Variants in ARID2 observed in about 807,000 individuals in gnomAD.
ARID2 encodes AT-rich interaction domain 2.
In ARID2, 32 loss-of-function variants were observed where a neutral mutation model predicts 184.6. The ratio of observed to expected loss-of-function variants is 0.17; its 90% CI spans 0.13 to 0.23. The LOEUF (loss-of-function observed/expected upper bound fraction) is 0.23. Among genes scored for constraint, ARID2 ranks in the 10% least tolerant of loss-of-function variants. The pLI, the probability that ARID2 is intolerant of heterozygous loss-of-function variation, is 1.00. For missense variants in ARID2, 1,696 were observed against 2,197.6 expected (o/e 0.77, Z 4.56); for synonymous variants, 836 against 772.6 (o/e 1.08, Z -1.36).
At chr12:45,814,546 A>C (rs1942771085) in intron 4 of ARID2, among the ~76,000 whole-genome samples, 1 of 152,136 alleles carries the variant, frequency 6.6e-6, no homozygotes, top group Admixed American at 6.6e-5. Context: ...GCTACTCAGG[A>C]GGCTGAGGCA....
chr12:45,890,521 C>T (rs1016048142), intron 16 of ARID2, among the ~76,000 whole-genome samples: 1 of 152,160 alleles, frequency 6.6e-6, no homozygotes, highest in Non-Finnish European at 1.5e-5. Flanking sequence ...GAACTCAAAT[C>T]ATATTTCATA....
intron 16 of ARID2, among the ~76,000 whole-genome samples, chr12:45,864,969 T>C (rs1342591821): frequency 6.6e-6 from 1 of 152,178 alleles, no homozygotes; most frequent in East Asian, 1.9e-4. Flanking sequence ...TTATTTTGTT[T>C]GTAGTATTAC....
chr12:45,762,123 T>C (rs547650255), intron 3 of ARID2, among the ~76,000 whole-genome samples: 63 of 152,368 alleles, frequency 4.1e-4, no homozygotes, highest in African/African-American at 1.3e-3. Flanking sequence ...AAAGTTTTTT[T>C]TGATTAGTTC....
intron 16 of ARID2, among the ~76,000 whole-genome samples, chr12:45,886,351 AC>A (rs1944190153): frequency 6.6e-6 from 1 of 151,742 alleles, no homozygotes. Context: ...GCGCAGCTCC[AC>A]CCCTGTGGCT....
intron 6 of ARID2, among the ~76,000 whole-genome samples, chr12:45,829,379 A>G (rs2064325325): frequency 1.3e-5 from 2 of 152,036 alleles, no homozygotes; most frequent in Non-Finnish European, 2.9e-5. Context: ...GCTCATTGCT[A>G]AAAATGTTAT....
At chr12:45,857,255 G>A (rs1035089417) in intron 15 of ARID2, among the ~76,000 whole-genome samples, 8 of 152,056 alleles carry the variant, frequency 5.3e-5, no homozygotes, top group Non-Finnish European at 7.4e-5. Context: ...TGTGTAACAT[G>A]GAATATTGGT....
At chr12:45,774,914 T>C (rs1329332902) in intron 3 of ARID2, among the ~76,000 whole-genome samples, 2 of 152,166 alleles carry the variant, frequency 1.3e-5, no homozygotes, top group Non-Finnish European at 2.9e-5. Flanking sequence ...AGGGGTAGTT[T>C]TGCTTCACAG....
intron 3 of ARID2, among the ~76,000 whole-genome samples, chr12:45,791,304 C>G (rs1033627489): frequency 6.6e-6 from 1 of 151,998 alleles, no homozygotes; most frequent in African/African-American, 2.4e-5. Flanking sequence ...TGAATTTTAT[C>G]AAATACTTTT....
At chr12:45,739,554 A>G (rs1436962821) in intron 3 of ARID2, among the ~76,000 whole-genome samples, 1 of 141,516 alleles carries the variant, frequency 7.1e-6, no homozygotes, top group Non-Finnish European at 1.5e-5. Context: ...TATTGTTTGG[A>G]TAAACATCTT....
chr12:45,833,039 T>C (rs1459154764), intron 6 of ARID2, among the ~76,000 whole-genome samples: 2 of 152,180 alleles, frequency 1.3e-5, no homozygotes. Context: ...CTGAAGCTCT[T>C]TTCAGTATTT....
intron 16 of ARID2, among the ~76,000 whole-genome samples, chr12:45,879,706 A>T (rs1944069734): frequency 6.6e-6 from 1 of 152,194 alleles, no homozygotes; most frequent in Non-Finnish European, 1.5e-5. Flanking sequence ...GATGACTTGC[A>T]GCTTTTTACA....
intron 20 of ARID2, among the ~76,000 whole-genome samples, chr12:45,895,875 A>T (rs960739885): frequency 1.3e-5 from 2 of 152,332 alleles, no homozygotes; most frequent in Non-Finnish European, 2.9e-5. Context: ...TAAAATACTT[A>T]GGAGTTGTCT....
chr12:45,891,173 A>T (rs1308407491), intron 16 of ARID2, among the ~76,000 whole-genome samples: 1 of 152,214 alleles, frequency 6.6e-6, no homozygotes, highest in Non-Finnish European at 1.5e-5. Context: ...CAAAAAAAAA[A>T]AAAAAAATTG....
intron 15 of ARID2, among the ~76,000 whole-genome samples, chr12:45,854,034 C>A (rs1350181162): frequency 6.6e-6 from 1 of 152,194 alleles, no homozygotes; most frequent in Non-Finnish European, 1.5e-5. Context: ...ATATCCTGAG[C>A]TCTGTCTCCT....
intron 16 of ARID2, among the ~76,000 whole-genome samples, chr12:45,872,762 C>G (rs1309035431): frequency 6.6e-6 from 1 of 152,012 alleles, no homozygotes. Flanking sequence ...GATTTCTATT[C>G]TTTTAAATTT....
chr12:45,905,234 C>A lies in ARID2; in HGVS notation c.*156C>A. 1.6e-6 allele frequency: 1 copy of A among 618,828 alleles called. No homozygotes were observed. Among genetic ancestry groups the A allele is most frequent in the Non-Finnish European group, 2.5e-6 (1 of 402,312 alleles). 38.3% of individuals were successfully genotyped at this position (618,828 alleles called of 1,614,324 possible). On this transcript the variant is annotated 3_prime_UTR_variant, in exon 21 of 21. Coordinates refer to ENST00000334344, the MANE Select transcript of ARID2 (RefSeq NM_152641.4). Reference sequence around the variant, plus strand: ...GAGAGGAAGCTTCGTATTCTGATCTCTGAGTGAATCCCTTTGTTCTCTGTT... The same window carrying A: ...GAGAGGAAGCTTCGTATTCTGATCTATGAGTGAATCCCTTTGTTCTCTGTT...
At position 45,817,713 on chromosome 12, in the gene ARID2, G is replaced by T. The variant is rs764813543; in HGVS notation, c.462G>T (p.Ser154=). ...QSYGLSMDFN[S]PNDYNKLVLS... ...ATGGGCTGTCCATGGACTTTAATTC[G>T]CCAAATGATTATAATAAATTGGTGC... The change falls in exon 5 of 21, where the codon TCG becomes TCT. Residue 154 remains serine (S), a synonymous_variant. Transcript: ENST00000334344. The T allele has an allele frequency of 6.2e-7, 1 of 1,611,270 alleles. No individual in the cohort carries two copies. The highest frequency in any genetic ancestry group is 1.8e-4 in the Middle Eastern group (1 of 5,406).
chr12:45,746,283 A>G (rs1029111135), intron 3 of ARID2, among the ~76,000 whole-genome samples: 1 of 151,800 alleles, frequency 6.6e-6, no homozygotes, highest in Non-Finnish European at 1.5e-5. Flanking sequence ...GCTGATGTGT[A>G]AAGATTTTGT....
rs765326842 is a variant in ARID2 at position 45,851,281 on chromosome 12, C to T, written c.3158C>T (p.Ala1053Val). ...TCGAATGCAGGAGTTGGTCAGCCTG[C>T]CTCTGGTGAGTCGAGTCTGATTAAA... Reference protein sequence around the residue: ...QQSNAGVGQPASGESSLIKQL... With the variant: ...QQSNAGVGQPVSGESSLIKQL... Residue 1053 changes from alanine (A) to valine (V), a missense_variant, in exon 15 of 21, where the codon GCC (alanine) becomes GTC (valine). Coordinates refer to ENST00000334344, the MANE Select transcript of ARID2 (RefSeq NM_152641.4). 1 of 1,614,168 alleles carries T rather than the reference C, an allele frequency of 6.2e-7. No individual in the cohort carries two copies.
Sources: gnomAD v4.1 joint callset for allele counts (sites outside exome capture counted in the v4.1 genomes callset) on GRCh38, gnomAD v4.1.1 for gene constraint, MANE v1.5 for transcripts, NCBI Gene and HGNC (gene_info 2026-07-23, HGNC 2026-07-21) for gene names.